The following PHF14 variants were observed in gnomAD, a reference collection of about 807,000 sequenced individuals.
PHF14 encodes PHD finger protein 14.
In PHF14, 55 loss-of-function variants were observed where a neutral mutation model predicts 117.9. That is an observed-to-expected ratio of 0.47 (90% CI 0.38 to 0.58). PHF14 has a LOEUF of 0.58. Ranked by LOEUF, PHF14 falls within the 20% of genes least tolerant of loss-of-function variation. PHF14 has a pLI of 0.00. For synonymous variants in PHF14, 409 were observed against 368.6 expected, an observed-to-expected ratio of 1.11 and a Z score of -1.26; for missense variants, 978 against 1,122.2, an observed-to-expected ratio of 0.87 and a Z score of 1.84.
Position 11,111,437 on chromosome 7 carries a change from A to T in PHF14, c.2742A>T (p.Ile914=), listed in dbSNP as rs771094723. 3.8e-6 allele frequency: 6 copies of T among 1,595,958 alleles called. No individual in the cohort carries two copies. Among genetic ancestry groups the T allele is most frequent in the Non-Finnish European group, 4.3e-6 (5 of 1,165,954 alleles). Residue 914 remains isoleucine (I), a synonymous_variant, in exon 17 of 18, where the codon ATA becomes ATT. Transcript: ENST00000634607. The stretch of plus-strand genomic sequence containing the variant: ...CTAAACAGACAGGCTACGGATGGAT[A>T]TGTCAGGAATGTGATTCTTCATCTT... ...KSPKQTGYGW[I]CQECDSSSSK... is the part of the protein sequence containing the mutation.
chr7:11,118,066 A>G (rs1787650010), intron 17 of PHF14, among the ~76,000 whole-genome samples: 1 of 151,828 alleles, frequency 6.6e-6, no homozygotes, highest in African/African-American at 2.4e-5. Context: ...AAGCTTACAA[A>G]AATGTGCTTC....
At chr7:11,084,490 CTT>C (rs1786298020) in intron 16 of PHF14, among the ~76,000 whole-genome samples, 1 of 124,298 alleles carries the variant, frequency 8.0e-6, no homozygotes, top group African/African-American at 3.1e-5. Context: ...AGGGTTTACT[CTT>C]GTGTTTTTTT....
At chr7:11,104,950 G>T (rs1483266571) in intron 16 of PHF14, 6 of 949,024 alleles carry the variant, frequency 6.3e-6, no homozygotes, top group African/African-American at 1.8e-5. Flanking sequence ...TCCTTAAAAG[G>T]TCCCTTAGAT....
rs557753577 is a variant in PHF14 at position 11,104,659 on chromosome 7, T to A, written c.2655-6691T>A. 9 of 972,938 alleles carry A rather than the reference T, an allele frequency of 9.3e-6. No individual in the cohort carries two copies. In the East Asian group the frequency reaches 9.1e-4, roughly 99 times the overall value. The allele number at this position is 972,938 out of a possible 1,614,324, so 60.3% of individuals were successfully genotyped here. A position where few individuals can be genotyped will look rare whatever the true frequency, so the allele number is the denominator to read the frequency against. On this transcript the variant is annotated intron_variant, in intron 16 of 17. Transcript: ENST00000634607. ...GAATGACATAATAGCAAGTAGTGGT[T>A]CTCAAACGTTGTGCATTGGAATCAC...
At chr7:10,995,615 G>C (rs1050317150) in intron 4 of PHF14, among the ~76,000 whole-genome samples, 28 of 152,328 alleles carry the variant, frequency 1.8e-4, no homozygotes, top group Non-Finnish European at 3.2e-4. Flanking sequence ...CACTCATAAG[G>C]GAGGCTCAGG....
intron 4 of PHF14, among the ~76,000 whole-genome samples, chr7:11,012,496 A>T (rs1309570772): frequency 6.6e-6 from 1 of 152,214 alleles, no homozygotes; most frequent in African/African-American, 2.4e-5. Flanking sequence ...AGTGCACCTG[A>T]CCAGTTCAAA....
chr7:11,012,597 G>A (rs1280808993), intron 4 of PHF14, among the ~76,000 whole-genome samples: 1 of 152,168 alleles, frequency 6.6e-6, no homozygotes, highest in Non-Finnish European at 1.5e-5. Flanking sequence ...CAATTGAATT[G>A]AAGTATGACA....
At position 10,991,070 on chromosome 7, in the gene PHF14, A is replaced by G. The variant is rs566213614; in HGVS notation, c.1045+223A>G. Among the ~76,000 whole-genome samples the G allele has an allele frequency of 3.9e-5, 6 of 152,290 alleles. No individual in the cohort carries two copies. The South Asian group carries it at 1.2e-3, about 32-fold the overall frequency. ...CAGTGGCACAATCTCGGTTCACTGC[A>G]ACCTCCACCTCCCAGGTTCAAGCGA... On this transcript the variant is annotated intron_variant, in intron 4 of 17. Transcript: ENST00000634607.
intron 7 of PHF14, among the ~76,000 whole-genome samples, chr7:11,034,175 T>C (rs1784228808): frequency 6.6e-6 from 1 of 152,168 alleles, no homozygotes; most frequent in South Asian, 2.1e-4. Context: ...CTTTCTGTTC[T>C]TATATGTCTC....
intron 16 of PHF14, among the ~76,000 whole-genome samples, chr7:11,079,985 A>G (rs1786021819): frequency 6.6e-6 from 1 of 152,152 alleles, no homozygotes; most frequent in Non-Finnish European, 1.5e-5. Flanking sequence ...CTGATTATAC[A>G]AGGAAACAAA....
At chr7:11,032,479 T>TCAA (rs1784151823) in intron 7 of PHF14, among the ~76,000 whole-genome samples, 1 of 150,326 alleles carries the variant, frequency 6.7e-6, no homozygotes, top group Non-Finnish European at 1.5e-5. Flanking sequence ...ATGTCAGTTT[T>TCAA]ACCCAGGGAG....
At chr7:11,078,140 C>A (rs1785936097) in intron 16 of PHF14, among the ~76,000 whole-genome samples, 1 of 151,936 alleles carries the variant, frequency 6.6e-6, no homozygotes, top group Admixed American at 6.6e-5. Context: ...CTCATTTTTT[C>A]CCCTTATTTA....
At chr7:11,124,328 A>G (rs1341715405) in intron 17 of PHF14, among the ~76,000 whole-genome samples, 1 of 152,166 alleles carries the variant, frequency 6.6e-6, no homozygotes, top group Non-Finnish European at 1.5e-5. Context: ...TTTGAAAAAT[A>G]TAATTGCATG....
chr7:11,020,460 C>T (rs1176382524), intron 5 of PHF14, among the ~76,000 whole-genome samples: 1 of 151,972 alleles, frequency 6.6e-6, no homozygotes, highest in Non-Finnish European at 1.5e-5. Flanking sequence ...TCATTGTAAA[C>T]CCCCGCCTCC....
intron 16 of PHF14, among the ~76,000 whole-genome samples, chr7:11,069,955 A>G (rs773601347): frequency 6.6e-5 from 10 of 151,812 alleles, no homozygotes; most frequent in Non-Finnish European, 1.5e-5. Flanking sequence ...TTTTTAAAGC[A>G]TTTGTTTAAG....
intron 4 of PHF14, among the ~76,000 whole-genome samples, chr7:11,011,671 A>G (rs148432018): frequency 9.5e-4 from 145 of 152,338 alleles, no homozygotes; most frequent in African/African-American, 3.3e-3. Flanking sequence ...CTTCAGGACA[A>G]GAATTAAGTT....
In PHF14 at chr7:10,982,721, C is replaced by A. The variant is rs1413925201; in HGVS notation, c.462C>A (p.Ala154=). ...CTTCTGCTGCTGCCACCACACCAGC[C>A]ACAAGTCCTCCTGCTGTTAACACAT... ...VAASAAATTP[A]TSPPAVNTSP... is the part of the protein sequence containing the mutation. Residue 154 remains alanine, a synonymous_variant, in exon 3 of 18, where the codon GCC becomes GCA. Coordinates refer to ENST00000634607, the MANE Select transcript of PHF14 (RefSeq NM_001007157.2). The A allele has an allele frequency of 6.2e-7, 1 of 1,612,678 alleles. No homozygotes were observed. Among genetic ancestry groups the A allele is most frequent in the Admixed American group, 1.7e-5 (1 of 59,754 alleles).
rs971226902 is a variant in PHF14, at chr7:11,038,618, A to G, written c.1981-142A>G. ...GGTTGTAGTGAGCCGAAATCGTGTC[A>G]CCGCACTCCAGCCTGGTGACAGAGT... On this transcript the variant is annotated intron_variant, in intron 10 of 17. Transcript: ENST00000634607. 3 of 248,086 alleles carry G rather than the reference A, an allele frequency of 1.2e-5. No individual in the cohort carries two copies. In the Admixed American group the frequency reaches 1.7e-4, roughly 14 times the overall value. 15.4% of individuals were successfully genotyped at this position (248,086 alleles called of 1,614,324 possible).
At position 10,974,287 on chromosome 7, in the gene PHF14, C is replaced by T; in HGVS notation, c.-37C>T. 1.3e-6 allele frequency: 2 copies of T among 1,578,360 alleles called. No individual in the cohort carries two copies. The highest frequency in any genetic ancestry group is 1.2e-5 in the South Asian group (1 of 86,480). On this transcript the variant is annotated 5_prime_UTR_variant, in exon 1 of 18. Transcript: ENST00000634607. Reference sequence around the variant, plus strand: ...CTGCCTGGGCTCCTGCAGCCTCTCCCTAAGTCTTCTCCAAACGACCACCTC... The same window carrying T: ...CTGCCTGGGCTCCTGCAGCCTCTCCTTAAGTCTTCTCCAAACGACCACCTC...
Sources: allele counts gnomAD v4.1 joint callset (sites outside exome capture counted in the v4.1 genomes callset), GRCh38; gene constraint gnomAD v4.1.1; transcripts MANE v1.5; gene names NCBI Gene and HGNC (gene_info 2026-07-23, HGNC 2026-07-21).